DIAPH2: variants seen among roughly 807,000 people sequenced by gnomAD.
The protein encoded by DIAPH2 is protein diaphanous homolog 2.
In DIAPH2, 35 loss-of-function variants were observed where a neutral mutation model predicts 92.7. That is an observed-to-expected ratio of 0.38 (90% confidence interval 0.29 to 0.50). DIAPH2 has a LOEUF of 0.50. DIAPH2 is among the 20% of genes least tolerant of loss of function. The pLI, the probability that DIAPH2 is intolerant of heterozygous loss-of-function variation, is 0.94. For synonymous variants in DIAPH2, 301 were observed against 280.4 expected (o/e 1.07, Z -0.73); for missense variants, 701 against 819.5 (o/e 0.86, Z 1.77).
At chrX:96,975,467 T>C (rs888970208) in intron 17 of DIAPH2, among the ~76,000 whole-genome samples, 3 of 111,951 alleles carry the variant, frequency 2.7e-5, no homozygotes, top group Non-Finnish European at 5.6e-5. Flanking sequence ...AGAGTTCGTG[T>C]CCTAACAAAT....
At chrX:97,050,455 C>A (rs951550893) in intron 17 of DIAPH2, among the ~76,000 whole-genome samples, 9 of 108,613 alleles carry the variant, frequency 8.3e-5, no homozygotes, top group African/African-American at 2.7e-4. Flanking sequence ...TAGATTGACC[C>A]AATCTATGTG....
At chrX:96,799,430 T>C (rs1236759713) in intron 4 of DIAPH2, among the ~76,000 whole-genome samples, 3 of 112,231 alleles carry the variant, frequency 2.7e-5, no homozygotes, top group Non-Finnish European at 5.6e-5. Context: ...CTTTTATAGA[T>C]GGATGAGGTG....
intron 17 of DIAPH2, among the ~76,000 whole-genome samples, chrX:97,018,625 C>T (rs2147869505): frequency 8.9e-6 from 1 of 111,956 alleles, no homozygotes; most frequent in Non-Finnish European, 1.9e-5. Flanking sequence ...TAACAGACTA[C>T]TTTTTAAAGA....
intron 17 of DIAPH2, among the ~76,000 whole-genome samples, chrX:96,967,545 G>C (rs907086974): frequency 1.8e-5 from 2 of 109,239 alleles, no homozygotes; most frequent in Non-Finnish European, 3.8e-5. Flanking sequence ...TCAGCTTCCC[G>C]AGTATCTGGG....
chrX:96,842,420 T>C (rs2064942882), intron 4 of DIAPH2, among the ~76,000 whole-genome samples: 1 of 111,966 alleles, frequency 8.9e-6, no homozygotes, highest in Admixed American at 9.5e-5. Flanking sequence ...GTATGTTTCC[T>C]TTATATTTGC....
intron 19 of DIAPH2, among the ~76,000 whole-genome samples, chrX:97,093,560 A>G (rs1261454749): frequency 8.9e-6 from 1 of 112,278 alleles, no homozygotes; most frequent in Non-Finnish European, 1.9e-5. Context: ...TATATGTCCT[A>G]CTTTTTAATG....
intron 23 of DIAPH2, among the ~76,000 whole-genome samples, chrX:97,328,695 GA>G (rs1363518457): frequency 9.1e-6 from 1 of 110,202 alleles, no homozygotes; most frequent in South Asian, 3.8e-4. Flanking sequence ...CTTTTAATTA[GA>G]AAAAATAATT....
chrX:96,989,401 T>A (rs1409853946), intron 17 of DIAPH2, among the ~76,000 whole-genome samples: 3 of 112,002 alleles, frequency 2.7e-5, no homozygotes, highest in Non-Finnish European at 5.6e-5. Flanking sequence ...TGATCGTTGA[T>A]GATTTCCTCA....
At chrX:97,564,645 C>T (rs2071314585) in intron 26 of DIAPH2, 1 of 111,854 alleles carries the variant, frequency 8.9e-6, no homozygotes, top group Admixed American at 9.5e-5. Context: ...AATACAGCTA[C>T]AGTAAGAATT....
In DIAPH2 at chrX:97,527,414, G is replaced by A. The variant is rs146168438; in HGVS notation, c.3242-71839G>A. On this transcript the variant is annotated intron_variant, in intron 26 of 26. Coordinates refer to ENST00000324765, the MANE Select transcript of DIAPH2 (RefSeq NM_006729.5). ...CCCTGATTAAAAGCAACATATCAGC[G>A]TGTGTTTTTCAAATACAGGCAGTCC... 5.6e-3 allele frequency among the ~76,000 whole-genome samples: 632 copies of A among 111,996 alleles called. 2 individuals carry two copies. The highest frequency in any genetic ancestry group is 0.019 in the African/African-American group (601 of 30,878).
intron 26 of DIAPH2, among the ~76,000 whole-genome samples, chrX:97,544,656 C>T (rs766916163): frequency 3.6e-5 from 4 of 111,648 alleles, no homozygotes; most frequent in African/African-American, 1.3e-4. Context: ...ATAACATGTA[C>T]CACAAGATGT....
chrX:96,834,148 A>G (rs2064873181), intron 4 of DIAPH2, among the ~76,000 whole-genome samples: 1 of 111,903 alleles, frequency 8.9e-6, no homozygotes, highest in African/African-American at 3.2e-5. Flanking sequence ...TACTCACCAT[A>G]TAAAGGTTGA....
chrX:96,772,439 G>C (rs1389170810), intron 4 of DIAPH2, among the ~76,000 whole-genome samples: 2 of 111,767 alleles, frequency 1.8e-5, no homozygotes, highest in Admixed American at 9.5e-5. Context: ...CTTTTGAGTA[G>C]TTTGTACTGA....
At chrX:96,888,779 T>C (rs1306822985) in intron 5 of DIAPH2, among the ~76,000 whole-genome samples, 4 of 108,341 alleles carry the variant, frequency 3.7e-5, no homozygotes, top group Non-Finnish European at 1.9e-5. Flanking sequence ...GTATTGTTCG[T>C]ATTTTGTAGA....
chrX:97,450,505 T>C (rs2147793392), intron 26 of DIAPH2, among the ~76,000 whole-genome samples: 1 of 111,703 alleles, frequency 9.0e-6, no homozygotes, highest in East Asian at 2.8e-4. Context: ...TGTACACGTA[T>C]GTAGCTCCTT....
chrX:97,112,197 A>C (rs2066985382), intron 20 of DIAPH2, among the ~76,000 whole-genome samples: 1 of 111,765 alleles, frequency 8.9e-6, no homozygotes, highest in South Asian at 3.8e-4. Flanking sequence ...AAAAGCCCAC[A>C]TATGCCTAAG....
chrX:97,120,801 A>G (rs1484055532), intron 21 of DIAPH2, among the ~76,000 whole-genome samples: 3 of 109,932 alleles, frequency 2.7e-5, no homozygotes, highest in African/African-American at 6.6e-5. Context: ...TATTAGTGAC[A>G]AAGTATCATA....
At chrX:97,237,075 T>G (rs1334593054) in intron 22 of DIAPH2, among the ~76,000 whole-genome samples, 1 of 112,344 alleles carries the variant, frequency 8.9e-6, no homozygotes, top group Non-Finnish European at 1.9e-5. Flanking sequence ...CCTATAAACA[T>G]ATACTCAAAA....
At chrX:97,500,215 C>G (rs1431865816) in intron 26 of DIAPH2, among the ~76,000 whole-genome samples, 1 of 111,463 alleles carries the variant, frequency 9.0e-6, no homozygotes, top group Non-Finnish European at 1.9e-5. Flanking sequence ...TATTACAGCC[C>G]AACACAGCTG....
Sources: allele counts gnomAD v4.1 joint callset (sites outside exome capture counted in the v4.1 genomes callset), GRCh38; gene constraint gnomAD v4.1.1; transcripts MANE v1.5; gene names NCBI Gene and HGNC (gene_info 2026-07-23, HGNC 2026-07-21).